ALPK2: variants seen among roughly 807,000 people sequenced by gnomAD.
ALPK2 encodes alpha-protein kinase 2.
Under a neutral mutation model 163.1 loss-of-function variants are expected in ALPK2, and 127 were observed. The ratio of observed to expected loss-of-function variants is 0.78; its 90% CI spans 0.67 to 0.90. ALPK2 has a LOEUF of 0.90. Among genes scored for constraint, ALPK2 ranks in the 40% least tolerant of loss-of-function variants. The pLI is 0.00. For missense variants in ALPK2, 2,360 were observed against 2,589.6 expected (o/e 0.91, Z 1.92); for synonymous variants, 953 against 959.1 (o/e 0.99, Z 0.12).
chr18:58,503,883 C>G (rs1179426707), intron 11 of ALPK2, 48 bp downstream of exon 11: 5 of 1,554,354 alleles, frequency 3.2e-6, no homozygotes, highest in Non-Finnish European at 3.5e-6. Flanking sequence ...ACAGGAACAT[C>G]TCTGGCCCAC....
chr18:58,512,030 T>G lies in ALPK2; in HGVS notation c.6029+2963A>C, dbSNP rs575326568. Reference sequence around the variant, plus strand: ...ATTTCAAATTTCAGCCAGATGGGAGTGGGCACATTAGGACAGTGGACCTTT... The same window carrying G: ...ATTTCAAATTTCAGCCAGATGGGAGGGGGCACATTAGGACAGTGGACCTTT... On this transcript the variant is annotated intron_variant, in intron 10 of 12. Transcript: ENST00000361673. The G allele has an allele frequency of 5.9e-5, 9 of 152,224 alleles. No individual in the cohort carries two copies. In the South Asian group the frequency reaches 8.3e-4, roughly 14 times the overall value. 9.4% of individuals were successfully genotyped at this position (152,224 alleles called of 1,614,324 possible).
chr18:58,593,931 C>T (rs1251211649), intron 3 of ALPK2, among the ~76,000 whole-genome samples: 1 of 127,306 alleles, frequency 7.9e-6, no homozygotes, highest in East Asian at 2.6e-4. Flanking sequence ...TGCCAGGGCC[C>T]ACCTCTTCCC....
intron 12 of ALPK2, among the ~76,000 whole-genome samples, chr18:58,492,839 T>C (rs1450951911): frequency 6.6e-6 from 1 of 152,210 alleles, no homozygotes; most frequent in Non-Finnish European, 1.5e-5. Context: ...AGGATACTGC[T>C]GTGCTAGTCC....
chr18:58,601,326 C>G (rs1240534253), intron 3 of ALPK2, among the ~76,000 whole-genome samples: 1 of 152,000 alleles, frequency 6.6e-6, no homozygotes, highest in Non-Finnish European at 1.5e-5. Flanking sequence ...GATAAAGATA[C>G]ATGCAAATAG....
chr18:58,534,917 T>A lies in ALPK2; in HGVS notation c.5270A>T (p.Lys1757Met). The A allele has an allele frequency of 6.2e-7, 1 of 1,614,188 alleles. No homozygotes were observed. Among genetic ancestry groups the A allele is most frequent in the Non-Finnish European group, 8.5e-7 (1 of 1,180,018 alleles). Residue 1757 changes from lysine (K) to methionine (M), a missense_variant, in exon 5 of 13, where the codon AAG becomes ATG. Lys to Met is a moderately conservative substitution (Grantham distance 95). Transcript: ENST00000361673. ...NIRKNSAFLK[K>M]MPKLETSLSH... ...TAATGATGTTTCGAGTTTGGGCATC[T>A]TTTTAAGAAAGGCTGAGTTCTTTCT...
At chr18:58,590,127 A>C (rs541455951) in intron 3 of ALPK2, among the ~76,000 whole-genome samples, 5 of 151,752 alleles carry the variant, frequency 3.3e-5, no homozygotes, top group East Asian at 1.9e-4. Context: ...AGGCTGAGGC[A>C]GGAGAGTCGC....
At chr18:58,578,566 C>G (rs1425291522) in intron 4 of ALPK2, 1 of 373,250 alleles carries the variant, frequency 2.7e-6, no homozygotes, top group Non-Finnish European at 4.7e-6. Context: ...TTCTATCAGT[C>G]TTTTGCTATA....
chr18:58,535,309 T>C lies in ALPK2; in HGVS notation c.4878A>G (p.Lys1626=). The C allele has an allele frequency of 1.9e-6, 3 of 1,614,178 alleles. No homozygotes were observed. Among genetic ancestry groups the C allele is most frequent in the Non-Finnish European group, 2.5e-6 (3 of 1,180,030 alleles). ...GCACCTCTATTTTAGGTTCCTCCAT[T>C]TTGTGGCTTATCAAAAAGTCTGTGA... ...GNVTDFLISH[K]MEEPKIEVLQ... is the part of the protein sequence containing the mutation. Residue 1626 remains lysine, a synonymous_variant, in exon 5 of 13, where the codon AAA becomes AAG. Transcript: ENST00000361673.
intron 4 of ALPK2, among the ~76,000 whole-genome samples, chr18:58,575,656 T>A (rs556722541): frequency 2.6e-5 from 4 of 152,274 alleles, no homozygotes; most frequent in African/African-American, 7.2e-5. Flanking sequence ...ATGAGGAAAG[T>A]GAGCTCAAAA....
intron 4 of ALPK2, among the ~76,000 whole-genome samples, chr18:58,539,721 T>G (rs538383483): frequency 4.4e-4 from 67 of 152,320 alleles, no homozygotes; most frequent in African/African-American, 1.6e-3. Flanking sequence ...GAAATGTTCA[T>G]GGGCATATTA....
At chr18:58,515,412 T>C (rs898895529) in intron 9 of ALPK2, among the ~76,000 whole-genome samples, 40 of 152,242 alleles carry the variant, frequency 2.6e-4, no homozygotes, top group Admixed American at 4.6e-4. Flanking sequence ...CAGGTGGCAC[T>C]TGGGGCACTA....
intron 12 of ALPK2, among the ~76,000 whole-genome samples, chr18:58,489,562 C>T (rs918711220): frequency 2.0e-5 from 3 of 152,014 alleles, no homozygotes; most frequent in Admixed American, 6.6e-5. Flanking sequence ...TGGTGCATGC[C>T]TGTAGTTCCA....
Position 58,536,128 on chromosome 18 carries a change from G to A in ALPK2, c.4059C>T (p.Val1353=), listed in dbSNP as rs1243959887. 6.2e-7 allele frequency: 1 copy of A among 1,613,982 alleles called. No individual in the cohort carries two copies. Among genetic ancestry groups the A allele is most frequent in the African/African-American group, 1.3e-5 (1 of 74,912 alleles). Reference sequence around the variant, plus strand: ...CAGAAGCCGCTGACAGTGAATCTGTGACAGATAACTCCTTTTCATCTACAG... The same window carrying A: ...CAGAAGCCGCTGACAGTGAATCTGTAACAGATAACTCCTTTTCATCTACAG... ...VDPVDEKELS[V]TDSLSAASET... is the part of the protein sequence containing the mutation. The change falls in exon 5 of 13, where the codon GTC becomes GTT. Residue 1353 remains valine (V), a synonymous_variant. Transcript: ENST00000361673.
rs532078551 is a variant in ALPK2 at position 58,613,264 on chromosome 18, A to G, written c.-20-1447T>C. Among the ~76,000 whole-genome samples, 118 of 152,314 alleles carry G rather than the reference A, an allele frequency of 7.7e-4. 1 individual carries two copies. Among genetic ancestry groups the G allele is most frequent in the Non-Finnish European group, 1.3e-3 (89 of 68,036 alleles). ...GAAAAGGAACCTGAGTTCAGGGCCAATGATGTTTGAGGAGCCTTGCTGTAG... is the reference window on the plus strand; with the variant it reads ...GAAAAGGAACCTGAGTTCAGGGCCAGTGATGTTTGAGGAGCCTTGCTGTAG... On this transcript the variant is annotated intron_variant, in intron 1 of 12. Coordinates refer to ENST00000361673, the MANE Select transcript of ALPK2 (RefSeq NM_052947.4).
In ALPK2 at chr18:58,517,012, A is replaced by G; in HGVS notation, c.5836T>C (p.Phe1946Leu). ...STVMHGLMPVFKPGHACVLKV... is the reference protein window; with the variant it reads ...STVMHGLMPVLKPGHACVLKV... ...AGCACACAGGCATGGCCAGGTTTGAAGACAGGCATGAGGCCGTGCATCACT... is the reference window on the plus strand; with the variant it reads ...AGCACACAGGCATGGCCAGGTTTGAGGACAGGCATGAGGCCGTGCATCACT... The change falls in exon 9 of 13, where the codon TTC becomes CTC. Residue 1946 changes from phenylalanine (F) to leucine (L), a missense_variant. By Grantham distance (22) the Phe-to-Leu change is conservative. Transcript: ENST00000361673. 7.4e-6 allele frequency: 12 copies of G among 1,614,214 alleles called. No homozygotes were observed. The highest frequency in any genetic ancestry group is 9.3e-6 in the Non-Finnish European group (11 of 1,180,018).
In ALPK2 at chr18:58,578,742, A is replaced by ACGCGCGCACGCGCGCGCGCG. The variant is rs758855904; in HGVS notation, c.1962+71_1962+72insCGCGCGCGCGCGTGCGCGCG. 5.7e-6 allele frequency: 7 copies of ACGCGCGCACGCGCGCGCGCG among 1,232,032 alleles called. No individual in the cohort carries two copies. The African/African-American group carries it at 6.0e-5, about 11-fold the overall frequency. The allele number at this position is 1,232,032 out of a possible 1,614,324, so 76.3% of individuals were successfully genotyped here. The stretch of plus-strand genomic sequence containing the variant: ...GTGAAGTAAAGGAAGAGACACACAC[A>ACGCGCGCACGCGCGCGCGCG]CACACACACACACACACACACACAC... On this transcript the variant is annotated intron_variant, in intron 4 of 12. Coordinates refer to ENST00000361673, the MANE Select transcript of ALPK2 (RefSeq NM_052947.4).
rs557166287 is a variant in ALPK2 at position 58,481,735 on chromosome 18, G to A, written c.*88C>T. ...TAAGGATTGCCACGCACTCTCTGCA[G>A]GCTGTATATTCTCTCCTGTGTGGCC... On this transcript the variant is annotated 3_prime_UTR_variant, in exon 13 of 13. Transcript: ENST00000361673. The A allele has an allele frequency of 5.5e-6, 6 of 1,085,146 alleles. No homozygotes were observed. In the South Asian group the frequency reaches 7.0e-5, roughly 13 times the overall value. The allele number at this position is 1,085,146 out of a possible 1,614,324, so 67.2% of individuals were successfully genotyped here.
Position 58,481,857 on chromosome 18 carries a change from G to T in ALPK2, c.6479C>A (p.Ala2160Glu). The T allele has an allele frequency of 1.2e-6, 2 of 1,614,182 alleles. No individual in the cohort carries two copies. Among genetic ancestry groups the T allele is most frequent in the Non-Finnish European group, 1.7e-6 (2 of 1,180,040 alleles). ...CTTTTCGCCTGGGGTCTCAGGCCCT[G>T]CCTTCTTTATTGTCATAGAGTTTGT... ...VQTNSMTIKK[A>E]GPETPGEKKT Residue 2160 changes from alanine (A) to glutamate (E), a missense_variant, in exon 13 of 13, where the codon GCA (alanine) becomes GAA (glutamate). Transcript: ENST00000361673.
At chr18:58,568,641 A>T (rs1181223848) in intron 4 of ALPK2, among the ~76,000 whole-genome samples, 2 of 152,162 alleles carry the variant, frequency 1.3e-5, no homozygotes, top group Non-Finnish European at 2.9e-5. Flanking sequence ...CCAATCATGG[A>T]CCCAAGAGAT....
Sources: gnomAD v4.1 joint callset for allele counts (sites outside exome capture counted in the v4.1 genomes callset) on GRCh38, gnomAD v4.1.1 for gene constraint, MANE v1.5 for transcripts, NCBI Gene and HGNC (gene_info 2026-07-23, HGNC 2026-07-21) for gene names.